Variants in RTN1 observed in about 807,000 individuals in gnomAD.
RTN1 encodes the protein reticulon 1.
A neutral mutation model predicts 65.5 loss-of-function variants in RTN1; 25 were observed. The observed-to-expected ratio is 0.38, with a 90% CI of 0.28 to 0.53. The LOEUF (loss-of-function observed/expected upper bound fraction) is 0.53, where lower values mean the gene tolerates loss of function less well. Ranked by LOEUF, RTN1 falls within the 20% of genes least tolerant of loss-of-function variation. RTN1 has a pLI of 0.79. For synonymous variants in RTN1, 471 were observed against 447.6 expected, an observed-to-expected ratio of 1.05 and a Z score of -0.66; for missense variants, 983 against 1,025.4, an observed-to-expected ratio of 0.96 and a Z score of 0.57.
chr14:59,717,475 A>AT (rs1334398902), intron 3 of RTN1, among the ~76,000 whole-genome samples: 1 of 152,080 alleles, frequency 6.6e-6, no homozygotes, highest in Non-Finnish European at 1.5e-5. Context: ...CCTGCTACAA[A>AT]TTTTCCAGGC....
At chr14:59,635,653 A>C (rs1028802188) in intron 3 of RTN1, among the ~76,000 whole-genome samples, 1 of 152,180 alleles carries the variant, frequency 6.6e-6, no homozygotes, top group South Asian at 2.1e-4. Flanking sequence ...CGGAAAAGAA[A>C]ATAATTAGAA....
At chr14:59,757,079 A>G (rs943416429) in intron 1 of RTN1, among the ~76,000 whole-genome samples, 16 of 152,120 alleles carry the variant, frequency 1.1e-4, no homozygotes, top group African/African-American at 3.9e-4. Context: ...GAGATTTCCC[A>G]TATGCCCCTG....
chr14:59,653,641 T>C (rs1290936057), intron 3 of RTN1, among the ~76,000 whole-genome samples: 2 of 151,842 alleles, frequency 1.3e-5, no homozygotes, highest in African/African-American at 2.4e-5. Context: ...GCAATAGTCA[T>C]ATGACTATAT....
chr14:59,858,032 T>G (rs1351292826), intron 1 of RTN1, among the ~76,000 whole-genome samples: 1 of 152,180 alleles, frequency 6.6e-6, no homozygotes, highest in Non-Finnish European at 1.5e-5. Flanking sequence ...GTCACACATA[T>G]AGCTTGTACC....
At chr14:59,730,006 T>C (rs185007042) in intron 2 of RTN1, among the ~76,000 whole-genome samples, 265 of 152,304 alleles carry the variant, frequency 1.7e-3, no homozygotes, top group Middle Eastern at 3.4e-3. Context: ...GGTCTAGGGG[T>C]AGTAACAGCT....
intron 3 of RTN1, among the ~76,000 whole-genome samples, chr14:59,717,920 A>G (rs1423184174): frequency 6.6e-6 from 1 of 152,196 alleles, no homozygotes; most frequent in South Asian, 2.1e-4. Context: ...TCTGCCTACA[A>G]TTAACTGCGG....
rs573971224 is a variant in RTN1, at chr14:59,650,351, G to A, written c.1766-42859C>T. Among the ~76,000 whole-genome samples the A allele has an allele frequency of 2.0e-5, 3 of 152,250 alleles. No individual in the cohort carries two copies. In the East Asian group the frequency reaches 5.8e-4, roughly 29 times the overall value. ...TTGATAGGTGGAGCAAACCACCATG[G>A]CACATGTATACCTATGTAACAAACC... On this transcript the variant is annotated intron_variant, in intron 3 of 8. Coordinates refer to ENST00000267484, the MANE Select transcript of RTN1 (RefSeq NM_021136.3).
chr14:59,832,149 A>C (rs1341250929), intron 1 of RTN1, among the ~76,000 whole-genome samples: 2 of 152,222 alleles, frequency 1.3e-5, no homozygotes, highest in Non-Finnish European at 2.9e-5. Flanking sequence ...GACCAAAAAA[A>C]TGAAGGCCCA....
chr14:59,714,447 G>A (rs911859053), intron 3 of RTN1, among the ~76,000 whole-genome samples: 12 of 152,182 alleles, frequency 7.9e-5, no homozygotes, highest in Admixed American at 1.3e-4. Context: ...AGATGAGTGT[G>A]AGTGTTCATT....
intron 8 of RTN1, among the ~76,000 whole-genome samples, chr14:59,601,378 C>T (rs1258803315): frequency 1.3e-5 from 2 of 152,094 alleles, no homozygotes; most frequent in African/African-American, 2.4e-5. Flanking sequence ...CAATTGTTTC[C>T]TCATCTCTCT....
intron 3 of RTN1, among the ~76,000 whole-genome samples, chr14:59,669,371 T>C (rs909882592): frequency 9.2e-5 from 14 of 151,908 alleles, no homozygotes; most frequent in Admixed American, 2.0e-4. Context: ...AATCAAACAC[T>C]GCATGTTCTC....
intron 3 of RTN1, among the ~76,000 whole-genome samples, chr14:59,699,277 A>T (rs1884130045): frequency 6.6e-6 from 1 of 152,072 alleles, no homozygotes. Flanking sequence ...TGGAAATAAA[A>T]AAATAAAAAA....
chr14:59,830,025 G>A (rs1228595894), intron 1 of RTN1, among the ~76,000 whole-genome samples: 1 of 152,062 alleles, frequency 6.6e-6, no homozygotes, highest in African/African-American at 2.4e-5. Flanking sequence ...TTCTTGTAAC[G>A]ACAAGGTATA....
intron 1 of RTN1, among the ~76,000 whole-genome samples, chr14:59,777,247 G>A (rs555824145): frequency 6.6e-6 from 1 of 152,070 alleles, no homozygotes; most frequent in Non-Finnish European, 1.5e-5. Flanking sequence ...ATCTTCTCTT[G>A]GTTTAGAAAC....
intron 3 of RTN1, among the ~76,000 whole-genome samples, chr14:59,718,483 TAACTCTAAATAACC>T (rs1287483115): frequency 3.9e-5 from 6 of 152,240 alleles, no homozygotes; most frequent in African/African-American, 1.4e-4. Flanking sequence ...AGCATGTATC[TAACTCTAAATAACC>T]AACTTGCTTG....
chr14:59,811,034 AT>A (rs1230356401), intron 1 of RTN1, among the ~76,000 whole-genome samples: 1 of 152,200 alleles, frequency 6.6e-6, no homozygotes, highest in Non-Finnish European at 1.5e-5. Flanking sequence ...TGTAAGTCTT[AT>A]TGAAAATAAT....
chr14:59,780,178 T>C (rs1277848622), intron 1 of RTN1, among the ~76,000 whole-genome samples: 2 of 152,156 alleles, frequency 1.3e-5, no homozygotes, highest in Non-Finnish European at 2.9e-5. Context: ...GGTGGAAAGT[T>C]AGAGGTCACT....
chr14:59,641,432 C>T (rs1032685140), intron 3 of RTN1, among the ~76,000 whole-genome samples: 12 of 152,106 alleles, frequency 7.9e-5, no homozygotes, highest in East Asian at 3.9e-4. Context: ...TGCAGTGGTG[C>T]GATCTCAGCT....
intron 1 of RTN1, among the ~76,000 whole-genome samples, chr14:59,831,347 A>G (rs10141630): frequency 0.4 from 61,001 of 152,096 alleles, 12,913 homozygotes; most frequent in East Asian, 0.64. Context: ...CAAAGAGGCT[A>G]ACCCTCCCTC....
Sources: allele counts gnomAD v4.1 joint callset (sites outside exome capture counted in the v4.1 genomes callset), GRCh38; gene constraint gnomAD v4.1.1; transcripts MANE v1.5; gene names NCBI Gene and HGNC (gene_info 2026-07-23, HGNC 2026-07-21).